Variants in LRMDA observed in about 807,000 individuals in gnomAD.
LRMDA encodes the protein leucine rich melanocyte differentiation associated, also known as leucine-rich melanocyte differentiation-associated protein.
A neutral mutation model predicts 29.8 loss-of-function variants in LRMDA; 18 were observed. The ratio of observed to expected loss-of-function variants is 0.60; its 90% confidence interval spans 0.42 to 0.90. LRMDA has a LOEUF of 0.90. LRMDA is among the 40% of genes least tolerant of loss of function. The probability of loss-of-function intolerance (pLI) is 0.00; values close to 1 mark genes in which losing one functional copy is unlikely to be tolerated. For synonymous variants in LRMDA, 125 were observed against 109.4 expected (o/e 1.14, Z -0.89); for missense variants, 273 against 273.9 (o/e 1.00, Z 0.02).
At chr10:75,458,427 G>C (rs946276097) in intron 2 of LRMDA, among the ~76,000 whole-genome samples, 1 of 151,858 alleles carries the variant, frequency 6.6e-6, no homozygotes, top group Admixed American at 6.6e-5. Flanking sequence ...GGACAACTGA[G>C]AGTATAACAT....
At chr10:75,855,120 C>A (rs1191236570) in intron 2 of LRMDA, among the ~76,000 whole-genome samples, 2 of 152,142 alleles carry the variant, frequency 1.3e-5, no homozygotes, top group African/African-American at 2.4e-5. Flanking sequence ...ATTTCTAGTT[C>A]TAGATCCCTG....
chr10:75,981,096 A>G (rs1048926263), intron 2 of LRMDA, among the ~76,000 whole-genome samples: 2 of 152,254 alleles, frequency 1.3e-5, no homozygotes, highest in Admixed American at 6.5e-5. Context: ...TTGTCTGCTT[A>G]TTAAAGTGGT....
At chr10:76,197,469 C>T (rs908722548) in intron 5 of LRMDA, among the ~76,000 whole-genome samples, 2 of 152,110 alleles carry the variant, frequency 1.3e-5, no homozygotes, top group Non-Finnish European at 2.9e-5. Context: ...ATTTTTATCT[C>T]CCTGGAGACA....
intron 2 of LRMDA, among the ~76,000 whole-genome samples, chr10:75,510,433 C>G (rs1220823159): frequency 6.6e-6 from 1 of 152,176 alleles, no homozygotes; most frequent in Non-Finnish European, 1.5e-5. Context: ...ATGTTACACA[C>G]TGTAGTTTTG....
At chr10:76,042,053 C>A (rs1386164997) in intron 3 of LRMDA, among the ~76,000 whole-genome samples, 1 of 152,172 alleles carries the variant, frequency 6.6e-6, no homozygotes, top group East Asian at 1.9e-4. Context: ...GTGAGAAGTT[C>A]TATGTTGGAT....
intron 2 of LRMDA, among the ~76,000 whole-genome samples, chr10:75,769,299 G>T (rs2132233473): frequency 6.6e-6 from 1 of 152,296 alleles, no homozygotes; most frequent in South Asian, 2.1e-4. Flanking sequence ...CCAAATCTGA[G>T]AATTATTAAG....
intron 2 of LRMDA, among the ~76,000 whole-genome samples, chr10:75,886,267 T>G (rs955686044): frequency 6.6e-6 from 1 of 152,192 alleles, no homozygotes; most frequent in Non-Finnish European, 1.5e-5. Context: ...CCCAAGCATG[T>G]GATTGCTGGA....
chr10:76,478,650 A>T (rs1842703663), intron 6 of LRMDA, among the ~76,000 whole-genome samples: 1 of 152,144 alleles, frequency 6.6e-6, no homozygotes, highest in Non-Finnish European at 1.5e-5. Flanking sequence ...AGCAACCCAA[A>T]TGTCCAACAA....
intron 5 of LRMDA, among the ~76,000 whole-genome samples, chr10:76,175,350 G>A (rs1352429072): frequency 4.6e-5 from 7 of 152,182 alleles, no homozygotes; most frequent in Non-Finnish European, 7.3e-5. Flanking sequence ...TGTGAAATAG[G>A]ATTAACAGTA....
At chr10:76,336,949 C>CT (rs753872932) in intron 6 of LRMDA, among the ~76,000 whole-genome samples, 14 of 152,086 alleles carry the variant, frequency 9.2e-5, no homozygotes, top group East Asian at 1.9e-4. Context: ...CCCCACCCCC[C>CT]TTTTTTTAAT....
Position 76,376,865 on chromosome 10 carries a change from CTTTTTTTTTTTTTTTT to C in LRMDA, c.601+52403_601+52418del, listed in dbSNP as rs71024600. ...AAATGTTTGTTGGGCACTTGGAAGTCTTTTTTTTTTTTTTTTTTTTTTTTTTTTTTTTTTTTTTGAG... is the reference window on the plus strand; with the variant it reads ...AAATGTTTGTTGGGCACTTGGAAGTCTTTTTTTTTTTTTTTTTTTTTTGAG... On this transcript the variant is annotated intron_variant, in intron 6 of 6. Transcript: ENST00000611255. Among the ~76,000 whole-genome samples the C allele has an allele frequency of 3.5e-3, 168 of 47,382 alleles. 29 individuals carry two copies. Among genetic ancestry groups the C allele is most frequent in the African/African-American group, 0.013 (149 of 11,436 alleles). The allele number at this position is 47,382 out of a possible 152,430, so 31.1% of individuals were successfully genotyped here. A position where few individuals can be genotyped will look rare whatever the true frequency, so the allele number is the denominator to read the frequency against.
At chr10:75,802,745 T>G (rs1423477064) in intron 2 of LRMDA, among the ~76,000 whole-genome samples, 1 of 152,100 alleles carries the variant, frequency 6.6e-6, no homozygotes, top group Non-Finnish European at 1.5e-5. Context: ...GATTTACTGC[T>G]TTTTTGATTA....
intron 2 of LRMDA, among the ~76,000 whole-genome samples, chr10:75,877,523 A>T (rs1845218563): frequency 6.6e-6 from 1 of 152,210 alleles, no homozygotes; most frequent in East Asian, 1.9e-4. Context: ...TCCACACCTA[A>T]TGCAGTGCTG....
At chr10:75,485,006 C>A (rs1232595305) in intron 2 of LRMDA, among the ~76,000 whole-genome samples, 2 of 152,120 alleles carry the variant, frequency 1.3e-5, no homozygotes, top group Non-Finnish European at 2.9e-5. Flanking sequence ...TGTTCTAGAA[C>A]AAACAGTTCA....
intron 2 of LRMDA, among the ~76,000 whole-genome samples, chr10:75,631,025 T>C (rs1367243374): frequency 6.6e-6 from 1 of 152,184 alleles, no homozygotes; most frequent in Non-Finnish European, 1.5e-5. Flanking sequence ...CTGTGACTTA[T>C]TTGGAATCTG....
At chr10:76,138,662 A>G (rs1850141838) in intron 5 of LRMDA, among the ~76,000 whole-genome samples, 1 of 152,212 alleles carries the variant, frequency 6.6e-6, no homozygotes, top group Non-Finnish European at 1.5e-5. Flanking sequence ...GTATTGTTTT[A>G]TATGTAAGCC....
intron 2 of LRMDA, among the ~76,000 whole-genome samples, chr10:75,983,464 A>G (rs931550041): frequency 1.3e-5 from 2 of 152,270 alleles, no homozygotes; most frequent in Admixed American, 6.5e-5. Context: ...CTTACCTGTC[A>G]TTGAATCCTT....
chr10:75,831,277 G>A (rs1341337323), intron 2 of LRMDA, among the ~76,000 whole-genome samples: 1 of 152,114 alleles, frequency 6.6e-6, no homozygotes, highest in East Asian at 1.9e-4. Flanking sequence ...TTGATCTCCT[G>A]ACCTCATGAT....
chr10:76,462,021 A>G lies in LRMDA; in HGVS notation c.602-95188A>G, dbSNP rs150998598. The stretch of plus-strand genomic sequence containing the variant: ...GAGGTCAAGGCTGCAGTGAACTGCA[A>G]TTGTGCCAGAGTGAGGACCACAGAG... On this transcript the variant is annotated intron_variant, in intron 6 of 6. Transcript: ENST00000611255. Among the ~76,000 whole-genome samples the G allele has an allele frequency of 3.5e-3, 498 of 143,992 alleles. 5 individuals carry two copies. The highest frequency in any genetic ancestry group is 0.011 in the African/African-American group (450 of 39,486). The allele number at this position is 143,992 out of a possible 152,430, so 94.5% of individuals were successfully genotyped here.
Sources: gnomAD v4.1 joint callset for allele counts (sites outside exome capture counted in the v4.1 genomes callset) on GRCh38, gnomAD v4.1.1 for gene constraint, MANE v1.5 for transcripts, NCBI Gene and HGNC (gene_info 2026-07-23, HGNC 2026-07-21) for gene names.